POLR2E: variants seen among roughly 807,000 people sequenced by gnomAD.
POLR2E encodes DNA-directed RNA polymerases I, II, and III subunit RPABC1.
Under a neutral mutation model 29.8 loss-of-function variants are expected in POLR2E, and 35 were observed. The ratio of observed to expected loss-of-function variants is 1.17; its 90% confidence interval spans 0.90 to 1.55. The LOEUF is 1.55. Among genes scored for constraint, POLR2E ranks in the 40% most tolerant of loss-of-function variants. The pLI, the probability that POLR2E is intolerant of heterozygous loss-of-function variation, is 0.00. For synonymous variants in POLR2E, 174 were observed against 112.6 expected, an observed-to-expected ratio of 1.55 and a Z score of -3.45; for missense variants, 287 against 288.6, an observed-to-expected ratio of 0.99 and a Z score of 0.04.
In POLR2E at chr19:1,087,481, C is replaced by T. The variant is rs976578929; in HGVS notation, c.*1254G>A. 1.3e-5 allele frequency: 2 copies of T among 152,278 alleles called. No homozygotes were observed. Among genetic ancestry groups the T allele is most frequent in the African/African-American group, 4.8e-5 (2 of 41,428 alleles). The allele number at this position is 152,278 out of a possible 1,614,324, so 9.4% of individuals were successfully genotyped here. A position where few individuals can be genotyped will look rare whatever the true frequency, so the allele number is the denominator to read the frequency against. On this transcript the variant is annotated 3_prime_UTR_variant, in exon 8 of 8. Coordinates refer to ENST00000615234, the MANE Select transcript of POLR2E (RefSeq NM_002695.5). ...TCCAGAATTTTCTCATCTTCCCAAA[C>T]TAAAACTGTGCACATGACACACTCT...
Position 1,088,202 on chromosome 19 carries a change from T to C in POLR2E, c.*533A>G, listed in dbSNP as rs1458530161. ...CAAATTTATTTGCTCAAAACATCTT[T>C]ACCATTTGAAAACACCCAACCTCCT... On this transcript the variant is annotated 3_prime_UTR_variant, in exon 8 of 8. Coordinates refer to ENST00000615234, the MANE Select transcript of POLR2E (RefSeq NM_002695.5). 1 of 152,324 alleles carries C rather than the reference T, an allele frequency of 6.6e-6. No individual in the cohort carries two copies. Among genetic ancestry groups the C allele is most frequent in the East Asian group, 1.9e-4 (1 of 5,338 alleles). 9.4% of individuals were successfully genotyped at this position (152,324 alleles called of 1,614,324 possible).
Position 1,090,013 on chromosome 19 carries a change from G to A in POLR2E, c.489-51C>T, listed in dbSNP as rs755054413. ...CAGACAGGGCCGTTGGGGGGGCAGG[G>A]GTGTGTGTGGGGGGGGAACGCGGAA... is the stretch of plus-strand genomic sequence containing the variant. On this transcript the variant is annotated intron_variant, in intron 5 of 7. Transcript: ENST00000615234. 1.1e-5 allele frequency: 17 copies of A among 1,509,640 alleles called. No homozygotes were observed. The Middle Eastern group carries it at 5.1e-4, about 45-fold the overall frequency. The allele number at this position is 1,509,640 out of a possible 1,614,324, so 93.5% of individuals were successfully genotyped here.
At chr19:1,092,110 C>G (rs999947151) in intron 2 of POLR2E, among the ~76,000 whole-genome samples, 2 of 152,162 alleles carry the variant, frequency 1.3e-5, no homozygotes, top group African/African-American at 2.4e-5. Flanking sequence ...CTCATTCACC[C>G]GGAGACAGGG....
intron 7 of POLR2E, 91 bp downstream of exon 7, chr19:1,089,381 G>A (rs899954255): frequency 5.9e-5 from 51 of 861,170 alleles, no homozygotes; most frequent in Non-Finnish European, 8.1e-5. Flanking sequence ...TCTTGCTGCC[G>A]GACAAAGCAA....
Position 1,091,905 on chromosome 19 carries a change from CCTCTG to C in POLR2E, c.233-3_234del. ...ATGGTCTTGATGCCCACCTTGGGCT[CCTCTG>C]CAGACAGAGAGTGTGCTGGCCTGCA... On this transcript the variant is annotated splice_acceptor_variant and splice_polypyrimidine_tract_variant and coding_sequence_variant and intron_variant, in exon 3 of 8. Coordinates refer to ENST00000615234, the MANE Select transcript of POLR2E (RefSeq NM_002695.5). LOFTEE classifies it high-confidence loss of function. The C allele has an allele frequency of 6.2e-7, 1 of 1,604,002 alleles. No individual in the cohort carries two copies. Among genetic ancestry groups the C allele is most frequent in the Non-Finnish European group, 8.5e-7 (1 of 1,172,000 alleles).
chr19:1,093,209 C>CTT (rs2043874389), intron 2 of POLR2E, among the ~76,000 whole-genome samples: 1 of 151,772 alleles, frequency 6.6e-6, no homozygotes, highest in South Asian at 2.1e-4. Context: ...AAAAAAAAAA[C>CTT]AAAAAAACCC....
At chr19:1,090,053 G>C (rs1387993252) in intron 5 of POLR2E, 34 bp downstream of exon 5, 2 of 1,595,748 alleles carry the variant, frequency 1.3e-6, no homozygotes, top group Non-Finnish European at 1.7e-6. Context: ...CGAGGGACAG[G>C]GAGGGGCGGG....
At chr19:1,090,619 CGT>C (rs1385618409) in intron 4 of POLR2E, among the ~76,000 whole-genome samples, 1 of 152,022 alleles carries the variant, frequency 6.6e-6, no homozygotes, top group East Asian at 1.9e-4. Flanking sequence ...GGGGTTTCAC[CGT>C]GTTAGCCAGG....
chr19:1,092,234 C>G (rs921316838), intron 2 of POLR2E: 5 of 279,680 alleles, frequency 1.8e-5, no homozygotes, highest in Non-Finnish European at 3.5e-5. Context: ...CAGCACCAAC[C>G]TCTCCAACAA....
intron 6 of POLR2E, 152 bp downstream of exon 6, chr19:1,089,732 G>T: frequency 1.3e-6 from 1 of 789,236 alleles, no homozygotes; most frequent in Non-Finnish European, 2.1e-6. Flanking sequence ...CAGTGGCCCT[G>T]GCTTTAAGAG....
rs1445278539 is a variant in POLR2E at position 1,089,896 on chromosome 19, T to C, written c.555A>G (p.Ile185Met). The change falls in exon 6 of 8, where the codon ATA becomes ATG. Residue 185 changes from isoleucine to methionine, a missense_variant. By Grantham distance (10) the Ile-to-Met change is conservative. Coordinates refer to ENST00000615234, the MANE Select transcript of POLR2E (RefSeq NM_002695.5). ...CCACAGGGCTCACCTGCCCACGCTT[T>C]ATCCCAAAGTAGCGCGCCACAGGGT... Reference protein sequence around the residue: ...AGDPVARYFGIKRGQVVKIIR... With the variant: ...AGDPVARYFGMKRGQVVKIIR... 3 of 1,612,246 alleles carry C rather than the reference T, an allele frequency of 1.9e-6. No homozygotes were observed. Among genetic ancestry groups the C allele is most frequent in the South Asian group, 2.2e-5 (2 of 91,036 alleles).
chr19:1,090,106 T>A lies in POLR2E; in HGVS notation c.469A>T (p.Thr157Ser). ...EHVVMTKEEV[T>S]ELLARYKLRE... ...GGATACTATCGGGCCAGCAGCTCTG[T>A]CACCTCCTCCTTGGTCATGACGACG... The change falls in exon 5 of 8, where the codon ACA (threonine) becomes TCA (serine). Residue 157 changes from threonine (T) to serine (S), a missense_variant. By Grantham distance (58) the Thr-to-Ser change is moderately conservative. Coordinates refer to ENST00000615234, the MANE Select transcript of POLR2E (RefSeq NM_002695.5). The A allele has an allele frequency of 6.2e-7, 1 of 1,612,522 alleles. No homozygotes were observed. Among genetic ancestry groups the A allele is most frequent in the Non-Finnish European group, 8.5e-7 (1 of 1,179,876 alleles).
rs1385893793 is a variant in POLR2E at position 1,093,976 on chromosome 19, G to A, written c.160C>T (p.Arg54Trp). The A allele has an allele frequency of 6.2e-6, 10 of 1,613,738 alleles. No homozygotes were observed. Among genetic ancestry groups the A allele is most frequent in the Non-Finnish European group, 7.6e-6 (9 of 1,179,914 alleles). The change falls in exon 2 of 8, where the codon CGG (arginine) becomes TGG (tryptophan). Residue 54 changes from arginine (R) to tryptophan (W), a missense_variant. By Grantham distance (101) the Arg-to-Trp change is moderately radical. Coordinates refer to ENST00000615234, the MANE Select transcript of POLR2E (RefSeq NM_002695.5). Reference protein sequence around the residue: ...SGDKPSEGRPRRTDLTVLVAH... With the variant: ...SGDKPSEGRPWRTDLTVLVAH... ...ACCAGCACGGTGAGGTCCGTGCGCC[G>A]CGGCCGCCCCTCACTCGGCTTGTCC...
At position 1,095,364 on chromosome 19, in the gene POLR2E, C is replaced by G. The variant is rs767346455; in HGVS notation, c.-49G>C. Reference sequence around the variant, plus strand: ...CTCGCACCCCTTCTCCGCGCGAGAACCCGCGCGGACTGCGCCTGCGCCGAA... The same window carrying G: ...CTCGCACCCCTTCTCCGCGCGAGAAGCCGCGCGGACTGCGCCTGCGCCGAA... On this transcript the variant is annotated 5_prime_UTR_variant, in exon 1 of 8. Coordinates refer to ENST00000615234, the MANE Select transcript of POLR2E (RefSeq NM_002695.5). 1 of 1,607,720 alleles carries G rather than the reference C, an allele frequency of 6.2e-7. No homozygotes were observed. Among genetic ancestry groups the G allele is most frequent in the East Asian group, 2.2e-5 (1 of 44,778 alleles).
Position 1,087,339 on chromosome 19 carries a change from G to C in POLR2E, c.*1396C>G, listed in dbSNP as rs1470138666. ...AGGTAATTTTTGTATTTTTTGCAGT[G>C]ATGGGATTTTGCCATGTTGGTCAGG... On this transcript the variant is annotated 3_prime_UTR_variant, in exon 8 of 8. Transcript: ENST00000615234. 1 of 152,110 alleles carries C rather than the reference G, an allele frequency of 6.6e-6. No homozygotes were observed. Among genetic ancestry groups the C allele is most frequent in the East Asian group, 1.9e-4 (1 of 5,194 alleles). 9.4% of individuals were successfully genotyped at this position (152,110 alleles called of 1,614,324 possible). A position where few individuals can be genotyped will look rare whatever the true frequency, so the allele number is the denominator to read the frequency against.
chr19:1,088,818 C>G (rs1368899993), intron 7 of POLR2E, 98 bp from the exon 8 acceptor site: 1 of 152,614 alleles, frequency 6.6e-6, no homozygotes, highest in African/African-American at 2.4e-5. Flanking sequence ...GGAGGCCTGG[C>G]AGGAGGCGGC....
At chr19:1,089,211 T>G (rs2043775124) in intron 7 of POLR2E, among the ~76,000 whole-genome samples, 3 of 152,328 alleles carry the variant, frequency 2.0e-5, no homozygotes, top group Middle Eastern at 6.8e-3. Flanking sequence ...CTCCTGCTTC[T>G]AAGGTGGGTC....
In POLR2E at chr19:1,089,691, T is replaced by C. The variant is rs752108811; in HGVS notation, c.568-140A>G. 143 of 809,842 alleles carry C rather than the reference T, an allele frequency of 1.8e-4. 1 individual carries two copies. The highest frequency in any genetic ancestry group is 2.9e-4 in the Non-Finnish European group (138 of 483,338). 50.2% of individuals were successfully genotyped at this position (809,842 alleles called of 1,614,324 possible). On this transcript the variant is annotated intron_variant, in intron 6 of 7. Transcript: ENST00000615234. ...ACCCTGGGCTGTGGGACCCGCTCCCTGGGAACCTGGGTCACGCTCTTCTCT... is the reference window on the plus strand; with the variant it reads ...ACCCTGGGCTGTGGGACCCGCTCCCCGGGAACCTGGGTCACGCTCTTCTCT...
intron 4 of POLR2E, among the ~76,000 whole-genome samples, chr19:1,090,460 ATTTTTTTTTT>A (rs58876047): frequency 3.5e-4 from 32 of 90,446 alleles, no homozygotes; most frequent in African/African-American, 1.3e-3. Flanking sequence ...CGGGATCTGC[ATTTTTTTTTT>A]TTTTTTTTTT....
Sources: allele counts gnomAD v4.1 joint callset (sites outside exome capture counted in the v4.1 genomes callset), GRCh38; gene constraint gnomAD v4.1.1; transcripts MANE v1.5; gene names NCBI Gene and HGNC (gene_info 2026-07-23, HGNC 2026-07-21).